HSPA12A: variants seen among roughly 807,000 people sequenced by gnomAD.
HSPA12A encodes heat shock protein family A (Hsp70) member 12A.
A neutral mutation model predicts 69.2 loss-of-function variants in HSPA12A; 28 were observed. The observed-to-expected ratio is 0.40, with a 90% CI of 0.30 to 0.55. The LOEUF (loss-of-function observed/expected upper bound fraction) is 0.55. Ranked by LOEUF, HSPA12A falls within the 20% of genes least tolerant of loss-of-function variation. The pLI is 0.38. For missense variants in HSPA12A, 686 were observed against 900.7 expected, an observed-to-expected ratio of 0.76 and a Z score of 3.05; for synonymous variants, 345 against 370.5, an observed-to-expected ratio of 0.93 and a Z score of 0.79.
upstream of HSPA12A, among the ~76,000 whole-genome samples, chr10:116,745,718 A>G (rs1181609124): frequency 6.6e-6 from 1 of 152,080 alleles, no homozygotes; most frequent in African/African-American, 2.4e-5. Flanking sequence ...CTCTTCCTAC[A>G]GGCCTCAGCT....
In HSPA12A at chr10:116,770,645, T is replaced by G. The variant is rs562853955; in HGVS notation, c.92-63360A>C. Among the ~76,000 whole-genome samples the G allele has an allele frequency of 5.3e-5, 8 of 151,736 alleles. No individual in the cohort carries two copies. In the South Asian group the frequency reaches 1.7e-3, roughly 32 times the overall value. The stretch of plus-strand genomic sequence containing the variant: ...CAGAGACGCCGAGCTCCAGCTGGAG[T>G]GCTAGAGTCTGCTCTTCATAAAGGT... On this transcript the variant is annotated intron_variant, in intron 2 of 12. Coordinates refer to the HSPA12A transcript ENST00000635765.
intron 6 of HSPA12A, among the ~76,000 whole-genome samples, chr10:116,689,114 C>A (rs1426778076): frequency 1.3e-5 from 2 of 152,088 alleles, no homozygotes; most frequent in African/African-American, 4.8e-5. Flanking sequence ...GGGCAGTGAG[C>A]CATAGCCTGC....
intron 2 of HSPA12A, among the ~76,000 whole-genome samples, chr10:116,797,683 G>A (rs1247608425): frequency 6.6e-6 from 1 of 152,210 alleles, no homozygotes; most frequent in Non-Finnish European, 1.5e-5. Flanking sequence ...CCTGTTTCCA[G>A]GGAAAAGCCC....
chr10:116,731,758 C>T (rs1019324651), intron 1 of HSPA12A, among the ~76,000 whole-genome samples: 5 of 152,128 alleles, frequency 3.3e-5, no homozygotes, highest in African/African-American at 9.7e-5. Context: ...GATATCGTGC[C>T]CCCTAACTCC....
intron 1 of HSPA12A, among the ~76,000 whole-genome samples, chr10:116,730,967 G>C (rs1471458612): frequency 7.2e-5 from 11 of 152,224 alleles, no homozygotes; most frequent in Admixed American, 7.2e-4. Context: ...CGAGGAGCTT[G>C]GACAGGCAGG....
At chr10:116,707,490 A>G (rs1180828704) in intron 1 of HSPA12A, among the ~76,000 whole-genome samples, 1 of 152,162 alleles carries the variant, frequency 6.6e-6, no homozygotes, top group Non-Finnish European at 1.5e-5. Context: ...AATTCGACCA[A>G]ATGAGATGCT....
At chr10:116,687,046 G>A (rs890772617) in intron 6 of HSPA12A, among the ~76,000 whole-genome samples, 17 of 152,176 alleles carry the variant, frequency 1.1e-4, no homozygotes, top group Non-Finnish European at 2.2e-4. Context: ...TACAACTCGA[G>A]GGCATCCGAG....
chr10:116,671,915 G>GA lies in HSPA12A; in HGVS notation c.*2865dup, dbSNP rs1849093518. The GA allele has an allele frequency of 6.6e-6, 1 of 152,522 alleles. No individual in the cohort carries two copies. The highest frequency in any genetic ancestry group is 2.1e-4 in the South Asian group (1 of 4,826). The allele number at this position is 152,522 out of a possible 1,614,324, so 9.4% of individuals were successfully genotyped here. A position where few individuals can be genotyped will look rare whatever the true frequency, so the allele number is the denominator to read the frequency against. On this transcript the variant is annotated 3_prime_UTR_variant, in exon 12 of 12. Transcript: ENST00000369209. The stretch of plus-strand genomic sequence containing the variant: ...TCTAGAATATTCCAGTGGGGGTAGG[G>GA]AAGGAGGGATGGATTTGGGGGTTTC...
chr10:116,696,002 C>CAAAAAAAAAAAAAAAAAAAAAAAA (rs71013609), intron 5 of HSPA12A, among the ~76,000 whole-genome samples: 17 of 32,722 alleles, frequency 5.2e-4, no homozygotes, highest in East Asian at 9.4e-4. Context: ...GACTCCATCT[C>CAAAAAAAAAAAAAAAAAAAAAAAA]AAAAAAAAAA....
intron 1 of HSPA12A, among the ~76,000 whole-genome samples, chr10:116,711,855 A>T (rs983884265): frequency 2.6e-5 from 4 of 151,100 alleles, no homozygotes; most frequent in Non-Finnish European, 4.4e-5. Context: ...AAATTTTTAA[A>T]TTTTTTTATT....
chr10:116,763,946 T>TG (rs1235793371), intron 2 of HSPA12A, among the ~76,000 whole-genome samples: 8 of 151,778 alleles, frequency 5.3e-5, no homozygotes, highest in African/African-American at 9.7e-5. Flanking sequence ...ATGGCGTTAT[T>TG]GGGGGGGCGG....
At chr10:116,687,808 T>G (rs1258360335) in intron 6 of HSPA12A, among the ~76,000 whole-genome samples, 1 of 152,206 alleles carries the variant, frequency 6.6e-6, no homozygotes, top group Non-Finnish European at 1.5e-5. Context: ...TCATGGTTAC[T>G]ACTCCCACGT....
At chr10:116,688,087 G>A (rs542797454) in intron 6 of HSPA12A, among the ~76,000 whole-genome samples, 1 of 152,282 alleles carries the variant, frequency 6.6e-6, no homozygotes, top group African/African-American at 2.4e-5. Context: ...GCCCACGGAA[G>A]CCAAAAGATT....
intron 7 of HSPA12A, among the ~76,000 whole-genome samples, chr10:116,683,167 G>T (rs983170564): frequency 5.3e-5 from 8 of 151,872 alleles, no homozygotes; most frequent in Non-Finnish European, 1.2e-4. Flanking sequence ...TATAGCCCTC[G>T]ACACACCCAC....
At chr10:116,755,805 CAA>C (rs11286178) in intron 2 of HSPA12A, among the ~76,000 whole-genome samples, 3,960 of 123,336 alleles carry the variant, frequency 0.032, 113 homozygotes, top group African/African-American at 0.086. Context: ...CCATCTCTAC[CAA>C]AAAAAAAAAA....
chr10:116,721,716 G>A (rs78401167), intron 1 of HSPA12A, among the ~76,000 whole-genome samples: 3,200 of 152,006 alleles, frequency 0.021, 46 homozygotes, highest in Middle Eastern at 0.051. Context: ...ACCCTTTACT[G>A]AGCTGCGGTG....
At chr10:116,705,456 G>A (rs1850214968) in intron 2 of HSPA12A, among the ~76,000 whole-genome samples, 178 bp from the exon 3 acceptor site, 3 of 152,228 alleles carry the variant, frequency 2.0e-5, no homozygotes, top group Admixed American at 2.0e-4. Flanking sequence ...GCCCCCGCCT[G>A]AATGGCTCAG....
In HSPA12A at chr10:116,698,758, A is replaced by G. The variant is rs1243841232; in HGVS notation, c.442-19T>C. The G allele has an allele frequency of 1.3e-6, 2 of 1,581,420 alleles. No homozygotes were observed. The highest frequency in any genetic ancestry group is 1.7e-6 in the Non-Finnish European group (2 of 1,150,776). On this transcript the variant is annotated intron_variant, in intron 4 of 11. Coordinates refer to ENST00000369209, the MANE Select transcript of HSPA12A (RefSeq NM_025015.3). Reference sequence around the variant, plus strand: ...TGAGGTCCTGGTAGGAGGAAGAGGAACAATAGTAAGAAGATGACACAGGAG... The same window carrying G: ...TGAGGTCCTGGTAGGAGGAAGAGGAGCAATAGTAAGAAGATGACACAGGAG...
chr10:116,819,837 G>T (rs949704769), intron 2 of HSPA12A, among the ~76,000 whole-genome samples: 17 of 152,082 alleles, frequency 1.1e-4, no homozygotes, highest in East Asian at 3.8e-4. Flanking sequence ...GGATTTTTTG[G>T]TTTTTTGTTT....
Sources: gnomAD v4.1 joint callset for allele counts (sites outside exome capture counted in the v4.1 genomes callset) on GRCh38, gnomAD v4.1.1 for gene constraint, MANE v1.5 for transcripts, NCBI Gene and HGNC (gene_info 2026-07-23, HGNC 2026-07-21) for gene names.